Variants in UACA observed in about 807,000 individuals in gnomAD.
UACA encodes the protein nuclear membrane binding protein.
Under a neutral mutation model 160.5 loss-of-function variants are expected in UACA, and 112 were observed. The observed-to-expected ratio is 0.70, with a 90% CI of 0.60 to 0.82. UACA has a LOEUF of 0.82. UACA is among the 40% of genes least tolerant of loss of function. UACA has a pLI of 0.00. For synonymous variants in UACA, 557 were observed against 568.4 expected (o/e 0.98, Z 0.29); for missense variants, 1,574 against 1,614.6 (o/e 0.97, Z 0.43).
intron 2 of UACA, among the ~76,000 whole-genome samples, chr15:70,698,192 T>G (rs1216682916): frequency 6.6e-6 from 1 of 152,176 alleles, no homozygotes; most frequent in African/African-American, 2.4e-5. Context: ...CACTCAAAAT[T>G]GAACCTTATA....
intron 17 of UACA, among the ~76,000 whole-genome samples, chr15:70,664,338 C>A (rs1343075425): frequency 6.6e-6 from 1 of 152,156 alleles, no homozygotes; most frequent in Admixed American, 6.5e-5. Flanking sequence ...TATACCCCAG[C>A]TGAATGACCC....
Position 70,667,958 on chromosome 15 carries a change from C to CT in UACA, c.2725dup (p.Arg909LysfsTer13). On this transcript the variant is annotated frameshift_variant, in exon 16 of 19. Coordinates refer to ENST00000322954, the MANE Select transcript of UACA (RefSeq NM_018003.4). LOFTEE classifies it high-confidence loss of function. ...TTGGTTCTGAGTGTTTTCCAGGTTT[C>CT]TTTTTAATATTTCATTCTTATCTTT... 1 of 1,607,620 alleles carries CT rather than the reference C, an allele frequency of 6.2e-7. No homozygotes were observed. Among genetic ancestry groups the CT allele is most frequent in the Non-Finnish European group, 8.5e-7 (1 of 1,177,508 alleles).
At chr15:70,763,742 G>C (rs966520274), upstream of UACA, 10 of 278,666 alleles carry the variant, frequency 3.6e-5, no homozygotes, top group Non-Finnish European at 6.4e-5. Flanking sequence ...GGCGGAGGAG[G>C]TGGGCGGCCA....
chr15:70,718,678 C>T (rs892845731), intron 1 of UACA, among the ~76,000 whole-genome samples: 5 of 152,058 alleles, frequency 3.3e-5, no homozygotes, highest in African/African-American at 4.8e-5. Flanking sequence ...AGTTTGTTAT[C>T]TTGAGAAGCC....
intron 1 of UACA, among the ~76,000 whole-genome samples, chr15:70,704,260 T>C (rs1230089516): frequency 6.6e-6 from 1 of 152,198 alleles, no homozygotes; most frequent in African/African-American, 2.4e-5. Flanking sequence ...ATAGGCTAGA[T>C]CTGTAACACA....
intron 16 of UACA, among the ~76,000 whole-genome samples, chr15:70,665,868 T>TTA (rs775136761): frequency 1.1e-4 from 17 of 152,178 alleles, no homozygotes; most frequent in Non-Finnish European, 1.9e-4. Context: ...CAGAAGGCAT[T>TTA]TAATCATTAC....
upstream of UACA, among the ~76,000 whole-genome samples, chr15:70,763,806 C>T (rs1199824797): frequency 6.6e-6 from 1 of 152,252 alleles, no homozygotes; most frequent in African/African-American, 2.4e-5. Flanking sequence ...CCCGCCCACC[C>T]GGAGCTTAAG....
rs527290953 is a variant in UACA, at chr15:70,763,150, G to A, written c.78+180C>T. 8.5e-5 allele frequency among the ~76,000 whole-genome samples: 13 copies of A among 152,268 alleles called. No individual in the cohort carries two copies. In the South Asian group the frequency reaches 1.7e-3, roughly 19 times the overall value. Reference sequence around the variant, plus strand: ...CGTAGAGGCTCGGGTGCGGCGGCGGGGAGGATCCCCGGGGTCTCTGGGCTG... The same window carrying A: ...CGTAGAGGCTCGGGTGCGGCGGCGGAGAGGATCCCCGGGGTCTCTGGGCTG... On this transcript the variant is annotated intron_variant, in intron 1 of 18. Transcript: ENST00000322954.
intron 18 of UACA, among the ~76,000 whole-genome samples, chr15:70,659,395 G>T (rs201082424): frequency 0.054 from 1,007 of 18,588 alleles, 19 homozygotes; most frequent in African/African-American, 0.13. Context: ...TTTTTTGTTT[G>T]TTTTTTTTTT....
At chr15:70,688,371 AATT>A (rs1161984249) in intron 5 of UACA, among the ~76,000 whole-genome samples, 3 of 152,240 alleles carry the variant, frequency 2.0e-5, no homozygotes, top group Non-Finnish European at 4.4e-5. Context: ...TATTAGGAAA[AATT>A]ATTGTTAAAT....
In UACA at chr15:70,709,386, A is replaced by G. The variant is rs544807056; in HGVS notation, c.79-9726T>C. 1.1e-3 allele frequency among the ~76,000 whole-genome samples: 165 copies of G among 152,364 alleles called. 1 individual carries two copies. Among genetic ancestry groups the G allele is most frequent in the Middle Eastern group, 6.8e-3 (2 of 294 alleles). On this transcript the variant is annotated intron_variant, in intron 1 of 18. Coordinates refer to ENST00000322954, the MANE Select transcript of UACA (RefSeq NM_018003.4). ...ACACAAATCAGTTATTTCACCTGGT[A>G]GATCTAACTGGATAACGTTAAACTC... is the stretch of plus-strand genomic sequence containing the variant.
chr15:70,749,467 A>T (rs1280926146), intron 1 of UACA, among the ~76,000 whole-genome samples: 2 of 151,902 alleles, frequency 1.3e-5, no homozygotes, highest in African/African-American at 4.8e-5. Flanking sequence ...TGGAGTTTTC[A>T]ATGAGCCGAG....
intron 5 of UACA, among the ~76,000 whole-genome samples, chr15:70,688,070 A>G (rs1239585624): frequency 1.3e-5 from 2 of 152,192 alleles, no homozygotes; most frequent in East Asian, 3.9e-4. Context: ...ACACACTACT[A>G]TTCTAAGGAT....
chr15:70,724,639 C>T (rs1295043199), intron 1 of UACA, among the ~76,000 whole-genome samples: 1 of 152,044 alleles, frequency 6.6e-6, no homozygotes, highest in East Asian at 1.9e-4. Flanking sequence ...TCATGGCTTC[C>T]TTGGAAGGTA....
intron 1 of UACA, among the ~76,000 whole-genome samples, chr15:70,741,108 C>T (rs903802072): frequency 1.3e-5 from 2 of 151,984 alleles, no homozygotes; most frequent in East Asian, 1.9e-4. Flanking sequence ...AAAGTGCCTA[C>T]GGTACAAAAT....
At chr15:70,664,836 G>C in intron 16 of UACA, 22 bp from the exon 17 acceptor site, 1 of 1,596,906 alleles carries the variant, frequency 6.3e-7, no homozygotes. Flanking sequence ...TGTTGTAGGA[G>C]AAATATATTA....
intron 1 of UACA, among the ~76,000 whole-genome samples, chr15:70,707,934 T>C (rs999581615): frequency 1.3e-5 from 2 of 152,176 alleles, no homozygotes; most frequent in South Asian, 4.1e-4. Context: ...TATATCCAAA[T>C]GAGTTGAAAG....
At position 70,753,333 on chromosome 15, in the gene UACA, T is replaced by C. The variant is rs78842983; in HGVS notation, c.78+9997A>G. 2.9e-3 allele frequency among the ~76,000 whole-genome samples: 447 copies of C among 152,314 alleles called. 5 individuals are homozygous for C. Among genetic ancestry groups the C allele is most frequent in the African/African-American group, 0.011 (440 of 41,566 alleles). ...ATGTTTTAAATAACAGAATCTATTA[T>C]TGGAAGGATATCAGGAATGCAACAA... On this transcript the variant is annotated intron_variant, in intron 1 of 18. Transcript: ENST00000322954.
Position 70,667,835 on chromosome 15 carries a change from A to T in UACA, c.2849T>A (p.Leu950Ter), listed in dbSNP as rs202233435. The T allele has an allele frequency of 2.5e-6, 4 of 1,613,978 alleles. No homozygotes were observed. ...TTCTTGGCCTTTTCTGTAGTTGGCC[A>T]AGATTTCAGCATTACTATCCTGCAC... ...RKVQDSNAEILANYRKGQEEI... is the reference protein window; with the variant it reads ...RKVQDSNAEI Residue 950 changes from leucine to a stop codon, truncating the protein, a stop_gained, in exon 16 of 19, where the codon TTG becomes TAG. Coordinates refer to ENST00000322954, the MANE Select transcript of UACA (RefSeq NM_018003.4). LOFTEE classifies it high-confidence loss of function.
Sources: allele counts gnomAD v4.1 joint callset (sites outside exome capture counted in the v4.1 genomes callset), GRCh38; gene constraint gnomAD v4.1.1; transcripts MANE v1.5; gene names NCBI Gene and HGNC (gene_info 2026-07-23, HGNC 2026-07-21).